PIP4K2A: variants seen among roughly 807,000 people sequenced by gnomAD.
PIP4K2A encodes the protein phosphatidylinositol 5-phosphate 4-kinase type-2 alpha.
In PIP4K2A, 14 loss-of-function variants were observed where a neutral mutation model predicts 42.9. That is an observed-to-expected ratio of 0.33 (90% CI 0.22 to 0.51). The LOEUF (loss-of-function observed/expected upper bound fraction) is 0.51, where lower values mean the gene tolerates loss of function less well. Ranked by LOEUF, PIP4K2A falls within the 20% of genes least tolerant of loss-of-function variation. PIP4K2A has a pLI of 0.97. For synonymous variants in PIP4K2A, 192 were observed against 192.2 expected (o/e 1.00, Z 0.01); for missense variants, 434 against 519.8 (o/e 0.83, Z 1.61).
intron 1 of PIP4K2A, among the ~76,000 whole-genome samples, chr10:22,619,468 G>A (rs1427053392): frequency 5.9e-5 from 8 of 135,512 alleles, no homozygotes; most frequent in Admixed American, 3.8e-4. Context: ...ACAAAGCCTC[G>A]CTCTGTTGCC....
intron 3 of PIP4K2A, among the ~76,000 whole-genome samples, chr10:22,596,003 C>T (rs940017160): frequency 1.3e-5 from 2 of 151,690 alleles, no homozygotes; most frequent in East Asian, 3.9e-4. Context: ...GCTGGGAGTT[C>T]GAGACTAGCC....
Position 22,664,160 on chromosome 10 carries a change from T to TATAC in PIP4K2A, c.144+50022_144+50023insGTAT, listed in dbSNP as rs1554807280. 4.2e-4 allele frequency among the ~76,000 whole-genome samples: 28 copies of TATAC among 67,242 alleles called. 2 individuals are homozygous for TATAC. The highest frequency in any genetic ancestry group is 2.7e-3 in the African/African-American group (24 of 8,980). The allele number at this position is 67,242 out of a possible 152,430, so 44.1% of individuals were successfully genotyped here. A position where few individuals can be genotyped will look rare whatever the true frequency, so the allele number is the denominator to read the frequency against. On this transcript the variant is annotated intron_variant, in intron 1 of 9. Transcript: ENST00000376573. ...ATATATACATATATATACACATATA[T>TATAC]ATATATACATATATATATATACATA...
intron 1 of PIP4K2A, among the ~76,000 whole-genome samples, chr10:22,697,546 C>G (rs561485008): frequency 6.6e-6 from 1 of 152,160 alleles, no homozygotes; most frequent in East Asian, 1.9e-4. Context: ...CAGCAAGACC[C>G]CCATCTCTAC....
intron 3 of PIP4K2A, among the ~76,000 whole-genome samples, chr10:22,601,843 T>C (rs1048394180): frequency 6.6e-6 from 1 of 152,216 alleles, no homozygotes; most frequent in African/African-American, 2.4e-5. Flanking sequence ...TCTATCCACC[T>C]GTAGCCCCAA....
chr10:22,636,598 G>C (rs1046787611), intron 1 of PIP4K2A, among the ~76,000 whole-genome samples: 2 of 152,180 alleles, frequency 1.3e-5, no homozygotes, highest in African/African-American at 2.4e-5. Flanking sequence ...TTCGCTGTAG[G>C]GGTGTAGATA....
At chr10:22,640,042 T>A (rs1838748189) in intron 1 of PIP4K2A, among the ~76,000 whole-genome samples, 3 of 118,220 alleles carry the variant, frequency 2.5e-5, no homozygotes, top group Non-Finnish European at 1.8e-5. Flanking sequence ...TTTTTTTTTT[T>A]AAGGAAAAAG....
chr10:22,611,611 A>G (rs1838041282), intron 1 of PIP4K2A, among the ~76,000 whole-genome samples: 2 of 152,202 alleles, frequency 1.3e-5, no homozygotes, highest in African/African-American at 4.8e-5. Context: ...AAACCCACTG[A>G]ACAAAAACAG....
At chr10:22,583,295 T>A (rs1837319455) in intron 4 of PIP4K2A, among the ~76,000 whole-genome samples, 1 of 152,180 alleles carries the variant, frequency 6.6e-6, no homozygotes, top group Non-Finnish European at 1.5e-5. Context: ...GAAAGCCCCA[T>A]CCCAGATAGA....
intron 7 of PIP4K2A, 115 bp from the exon 8 acceptor site, chr10:22,542,162 G>T: frequency 2.4e-6 from 2 of 822,452 alleles, no homozygotes; most frequent in Non-Finnish European, 3.9e-6. Context: ...GGGCAGCAGA[G>T]GCGCCGGGTG....
intron 1 of PIP4K2A, among the ~76,000 whole-genome samples, chr10:22,701,783 C>T (rs1833720664): frequency 1.3e-5 from 2 of 152,188 alleles, no homozygotes. Flanking sequence ...AGAAGTCGGC[C>T]TGTCAAGATC....
At chr10:22,609,795 A>G (rs914587844) in intron 1 of PIP4K2A, 78 bp from the exon 2 acceptor site, 152 of 798,590 alleles carry the variant, frequency 1.9e-4, no homozygotes, top group Middle Eastern at 8.9e-4. Context: ...GTACCTTGGG[A>G]AAAAAAACAT....
rs74261081 is a variant in PIP4K2A, at chr10:22,549,351, C to CTTTTTT, written c.792+1302_792+1307dup. On this transcript the variant is annotated intron_variant, in intron 7 of 9. Coordinates refer to ENST00000376573, the MANE Select transcript of PIP4K2A (RefSeq NM_005028.5). The stretch of plus-strand genomic sequence containing the variant: ...CTGTGGCTTTCGTCATTTTCTTTTT[C>CTTTTTT]TTTTTTTTTTTTTGGTTTAATGACA... Among the ~76,000 whole-genome samples the CTTTTTT allele has an allele frequency of 6.3e-5, 9 of 141,898 alleles. No individual in the cohort carries two copies. In the East Asian group the frequency reaches 1.8e-3, roughly 29 times the overall value. The allele number at this position is 141,898 out of a possible 152,430, so 93.1% of individuals were successfully genotyped here. A position where few individuals can be genotyped will look rare whatever the true frequency, so the allele number is the denominator to read the frequency against.
chr10:22,566,026 A>C (rs1026706741), intron 6 of PIP4K2A, among the ~76,000 whole-genome samples: 6 of 152,184 alleles, frequency 3.9e-5, no homozygotes, highest in Non-Finnish European at 7.3e-5. Flanking sequence ...CCGAAACTTC[A>C]TTAGCAATTT....
At chr10:22,628,033 C>T (rs1293553566) in intron 1 of PIP4K2A, among the ~76,000 whole-genome samples, 1 of 152,166 alleles carries the variant, frequency 6.6e-6, no homozygotes, top group Non-Finnish European at 1.5e-5. Context: ...TAAACTCATT[C>T]CCTGGGTTAT....
intron 1 of PIP4K2A, among the ~76,000 whole-genome samples, chr10:22,651,096 C>T (rs1838986022): frequency 6.6e-6 from 1 of 152,328 alleles, no homozygotes; most frequent in South Asian, 2.1e-4. Flanking sequence ...GGCACTCTTA[C>T]CACAAAGTTA....
intron 1 of PIP4K2A, among the ~76,000 whole-genome samples, chr10:22,618,954 A>C (rs139459389): frequency 6.6e-6 from 1 of 152,340 alleles, no homozygotes; most frequent in East Asian, 1.9e-4. Flanking sequence ...ACCATCATAA[A>C]GGCATAATTT....
At chr10:22,628,276 TGAA>T (rs946147855) in intron 1 of PIP4K2A, among the ~76,000 whole-genome samples, 12 of 152,202 alleles carry the variant, frequency 7.9e-5, no homozygotes, top group African/African-American at 2.9e-4. Flanking sequence ...AAGCAATTTT[TGAA>T]GAAGTTGTTT....
At chr10:22,617,444 A>G (rs1367923121) in intron 1 of PIP4K2A, among the ~76,000 whole-genome samples, 3 of 152,256 alleles carry the variant, frequency 2.0e-5, no homozygotes, top group Non-Finnish European at 4.4e-5. Flanking sequence ...ATGCTCATAA[A>G]TCCTGAGAGG....
At chr10:22,633,784 G>A (rs1163148189) in intron 1 of PIP4K2A, among the ~76,000 whole-genome samples, 7 of 152,146 alleles carry the variant, frequency 4.6e-5, no homozygotes, top group African/African-American at 7.2e-5. Flanking sequence ...TTGTTTTCTC[G>A]GATCTTTGCC....
Sources: gnomAD v4.1 joint callset for allele counts (sites outside exome capture counted in the v4.1 genomes callset) on GRCh38, gnomAD v4.1.1 for gene constraint, MANE v1.5 for transcripts, NCBI Gene and HGNC (gene_info 2026-07-23, HGNC 2026-07-21) for gene names.